MACROD2: variants seen among roughly 807,000 people sequenced by gnomAD.
The protein encoded by MACROD2 is ADP-ribose glycohydrolase MACROD2.
MACROD2 carries 36 observed loss-of-function variants against 70.4 expected under a neutral mutation model. The observed-to-expected ratio is 0.51, with a 90% CI of 0.39 to 0.68. The LOEUF is 0.68. MACROD2 is among the 30% of genes least tolerant of loss of function. The pLI is 0.00. For missense variants in MACROD2, 496 were observed against 538.4 expected, an observed-to-expected ratio of 0.92 and a Z score of 0.78; for synonymous variants, 172 against 178.8, an observed-to-expected ratio of 0.96 and a Z score of 0.30.
chr20:15,601,163 C>T (rs458289), intron 8 of MACROD2, among the ~76,000 whole-genome samples: 23,967 of 152,194 alleles, frequency 0.16, 2,108 homozygotes, highest in African/African-American at 0.24. Flanking sequence ...ATTCTCACTA[C>T]TGACTCCCTC....
At chr20:15,178,835 G>T (rs1040222901) in intron 5 of MACROD2, among the ~76,000 whole-genome samples, 10 of 152,202 alleles carry the variant, frequency 6.6e-5, no homozygotes, top group Non-Finnish European at 1.5e-5. Context: ...CAGCTCATCT[G>T]GGTAAGCATG....
intron 6 of MACROD2, among the ~76,000 whole-genome samples, chr20:15,329,272 T>G (rs1470777146): frequency 6.6e-6 from 1 of 152,106 alleles, no homozygotes; most frequent in Non-Finnish European, 1.5e-5. Context: ...TCAGAGTGTA[T>G]GATAGAGGCC....
Position 13,995,543 on chromosome 20 carries a change from G to A in MACROD2, c.-221G>A, listed in dbSNP as rs1228484484. On this transcript the variant is annotated 5_prime_UTR_variant, in exon 1 of 18. Coordinates refer to ENST00000684519, the MANE Select transcript of MACROD2 (RefSeq NM_001351661.2). The surrounding 1 kb of genome is among the most constrained non-coding windows in gnomAD (Gnocchi z 4.3). ...CAGGCTCTGAGGTGCTGCTGTGGCG[G>A]CGTCCGCGGGGCTGAGGCGGGTGGG... 3.2e-6 allele frequency: 2 copies of A among 632,104 alleles called. No individual in the cohort carries two copies. The highest frequency in any genetic ancestry group is 5.8e-6 in the Non-Finnish European group (2 of 345,114). 39.2% of individuals were successfully genotyped at this position (632,104 alleles called of 1,614,324 possible).
At chr20:15,089,233 G>T (rs2075775207) in intron 5 of MACROD2, among the ~76,000 whole-genome samples, 1 of 152,132 alleles carries the variant, frequency 6.6e-6, no homozygotes, top group South Asian at 2.1e-4. Context: ...AGATTCTTGT[G>T]CAATTCAGCT....
intron 5 of MACROD2, among the ~76,000 whole-genome samples, chr20:15,066,731 A>G (rs995019402): frequency 6.6e-6 from 1 of 151,856 alleles, no homozygotes; most frequent in African/African-American, 2.4e-5. Flanking sequence ...AATACAAAAA[A>G]ATTATGCAGG....
At chr20:15,052,490 A>G (rs2075450078) in intron 5 of MACROD2, among the ~76,000 whole-genome samples, 1 of 152,082 alleles carries the variant, frequency 6.6e-6, no homozygotes, top group African/African-American at 2.4e-5. Context: ...ATTCTTATCT[A>G]TTTTATAGTG....
At chr20:16,014,242 T>C (rs543287689) in intron 15 of MACROD2, among the ~76,000 whole-genome samples, 1 of 152,346 alleles carries the variant, frequency 6.6e-6, no homozygotes, top group South Asian at 2.1e-4. Flanking sequence ...TCTATCACTT[T>C]TTGGCTGGAT....
intron 6 of MACROD2, among the ~76,000 whole-genome samples, chr20:15,417,510 A>T (rs941110528): frequency 6.6e-6 from 1 of 150,394 alleles, no homozygotes; most frequent in African/African-American, 2.4e-5. Context: ...GAGATGGGAG[A>T]ATCACTTGAG....
At chr20:15,975,235 G>A (rs8124934) in intron 13 of MACROD2, among the ~76,000 whole-genome samples, 7,324 of 152,106 alleles carry the variant, frequency 0.048, 564 homozygotes, top group African/African-American at 0.16. Flanking sequence ...GGAGTTGAAA[G>A]TACACAAAAT....
intron 8 of MACROD2, among the ~76,000 whole-genome samples, chr20:15,534,949 G>A (rs750715221): frequency 6.8e-4 from 103 of 151,902 alleles, no homozygotes; most frequent in African/African-American, 2.3e-3. Flanking sequence ...TTCTTTGACC[G>A]GATTTATAAA....
intron 6 of MACROD2, among the ~76,000 whole-genome samples, chr20:15,415,697 T>C (rs1221787722): frequency 6.6e-6 from 1 of 152,224 alleles, no homozygotes; most frequent in Non-Finnish European, 1.5e-5. Context: ...TAGTGGCGGC[T>C]AAAAGTATTC....
intron 8 of MACROD2, among the ~76,000 whole-genome samples, chr20:15,588,802 G>T (rs981985112): frequency 6.6e-6 from 1 of 152,138 alleles, no homozygotes; most frequent in Admixed American, 6.5e-5. Flanking sequence ...ATCACTATCA[G>T]AATTTTTGTC....
chr20:15,323,266 C>T (rs2077891876), intron 6 of MACROD2, among the ~76,000 whole-genome samples: 2 of 152,128 alleles, frequency 1.3e-5, no homozygotes, highest in Non-Finnish European at 2.9e-5. Context: ...TTGACAGGAC[C>T]ATTGGCTTGC....
rs775096 is a variant in MACROD2 at position 16,023,962 on chromosome 20, G to C, written c.1154-17239G>C. Among the ~76,000 whole-genome samples, 179 of 152,306 alleles carry C rather than the reference G, an allele frequency of 1.2e-3. 1 individual carries two copies. The highest frequency in any genetic ancestry group is 2.3e-3 in the Non-Finnish European group (155 of 68,030). ...GAGAAGTAGAAAAATGTAGGCACTTGAGGAGGGATACCATCAGAGTGCAGA... is the reference window on the plus strand; with the variant it reads ...GAGAAGTAGAAAAATGTAGGCACTTCAGGAGGGATACCATCAGAGTGCAGA... On this transcript the variant is annotated intron_variant, in intron 15 of 17. Coordinates refer to ENST00000684519, the MANE Select transcript of MACROD2 (RefSeq NM_001351661.2).
chr20:14,683,125 C>T (rs1461683758), intron 4 of MACROD2, among the ~76,000 whole-genome samples: 2 of 152,060 alleles, frequency 1.3e-5, no homozygotes, highest in African/African-American at 2.4e-5. Flanking sequence ...GTGATCCGCC[C>T]GCCTCAGCCT....
At chr20:14,752,494 C>T (rs944056305) in intron 5 of MACROD2, among the ~76,000 whole-genome samples, 2 of 152,052 alleles carry the variant, frequency 1.3e-5, no homozygotes, top group Non-Finnish European at 2.9e-5. Flanking sequence ...TGGTTTCTCC[C>T]TAGTCTAATC....
chr20:15,134,294 C>T (rs936473792), intron 5 of MACROD2, among the ~76,000 whole-genome samples: 25 of 150,336 alleles, frequency 1.7e-4, no homozygotes, highest in African/African-American at 5.3e-4. Context: ...GAGGCCGAGG[C>T]GGGCGGATCA....
intron 8 of MACROD2, among the ~76,000 whole-genome samples, chr20:15,596,018 T>C (rs751067577): frequency 6.6e-5 from 10 of 152,220 alleles, no homozygotes; most frequent in Non-Finnish European, 1.2e-4. Flanking sequence ...TACTGTTCTA[T>C]TTCCTTCATG....
chr20:14,590,064 TA>T (rs1347575996), intron 4 of MACROD2, among the ~76,000 whole-genome samples: 1 of 152,142 alleles, frequency 6.6e-6, no homozygotes, highest in African/African-American at 2.4e-5. Flanking sequence ...TCTCTAGCTC[TA>T]AAAAGAATTA....
Sources: gnomAD v4.1 joint callset for allele counts (sites outside exome capture counted in the v4.1 genomes callset) on GRCh38, gnomAD v4.1.1 for gene constraint, Gnocchi (gnomAD v3.1) non-coding constraint, MANE v1.5 for transcripts, NCBI Gene and HGNC (gene_info 2026-07-23, HGNC 2026-07-21) for gene names.